BRF1: variants seen among roughly 807,000 people sequenced by gnomAD.
BRF1 encodes the protein transcription factor IIIB 90 kDa subunit.
In BRF1, 59 loss-of-function variants were observed where a neutral mutation model predicts 81.7. The observed-to-expected ratio is 0.72, with a 90% CI of 0.59 to 0.90. The LOEUF (loss-of-function observed/expected upper bound fraction) is 0.90, where lower values mean the gene tolerates loss of function less well. Ranked by LOEUF, BRF1 falls within the 40% of genes least tolerant of loss-of-function variation. The pLI is 0.00. For synonymous variants in BRF1, 491 were observed against 395.6 expected (o/e 1.24, Z -2.86); for missense variants, 1,050 against 936.3 (o/e 1.12, Z -1.58).
chr14:105,273,780 G>T (rs1356501261), intron 2 of BRF1, among the ~76,000 whole-genome samples: 2 of 152,216 alleles, frequency 1.3e-5, no homozygotes, highest in Non-Finnish European at 2.9e-5. Context: ...GCGGAAAGCT[G>T]CAGGGACCTC....
chr14:105,220,569 T>C (rs1365915016), intron 11 of BRF1, among the ~76,000 whole-genome samples: 3 of 152,000 alleles, frequency 2.0e-5, no homozygotes, highest in Admixed American at 6.5e-5. Flanking sequence ...AATGAGGGAA[T>C]AGAAATGATT....
At chr14:105,258,926 T>C (rs2056022065) in intron 3 of BRF1, among the ~76,000 whole-genome samples, 1 of 152,070 alleles carries the variant, frequency 6.6e-6, no homozygotes, top group Admixed American at 6.6e-5. Flanking sequence ...AGAACTCAAC[T>C]GCATTAATCA....
At chr14:105,218,419 C>T (rs1001246217) in intron 14 of BRF1, among the ~76,000 whole-genome samples, 3 of 152,190 alleles carry the variant, frequency 2.0e-5, no homozygotes, top group Non-Finnish European at 4.4e-5. Context: ...ACAAGCTCCC[C>T]GGGTCCTGCT....
rs2056673788 is a variant in BRF1 at position 105,271,905 on chromosome 14, C to T, written c.439+816G>A. On this transcript the variant is annotated intron_variant, in intron 3 of 17. Coordinates refer to ENST00000547530, the MANE Select transcript of BRF1 (RefSeq NM_001519.4). This position sits in a 1 kb window ranked among gnomAD's most constrained non-coding sequence, Gnocchi z 5.5. ...GGCCAAGCTGCACACCGCTGAGGGTCGGCGGCCTCCCCGCCCACCGCCTGC... is the reference window on the plus strand; with the variant it reads ...GGCCAAGCTGCACACCGCTGAGGGTTGGCGGCCTCCCCGCCCACCGCCTGC... 1.3e-5 allele frequency among the ~76,000 whole-genome samples: 1 copy of T among 78,024 alleles called. No homozygotes were observed. The highest frequency in any genetic ancestry group is 4.9e-5 in the African/African-American group (1 of 20,328). 51.2% of individuals were successfully genotyped at this position (78,024 alleles called of 152,430 possible).
At chr14:105,228,976 G>C (rs2054262870) in intron 6 of BRF1, 63 bp from the exon 7 acceptor site, 4 of 1,475,048 alleles carry the variant, frequency 2.7e-6, no homozygotes, top group Non-Finnish European at 3.8e-6. Flanking sequence ...ATCTGTGGCG[G>C]CCCAGGACAA....
upstream of BRF1, among the ~76,000 whole-genome samples, chr14:105,302,470 T>C (rs1195462259): frequency 6.6e-6 from 1 of 152,172 alleles, no homozygotes; most frequent in African/African-American, 2.4e-5. Flanking sequence ...CCCAAAGTGC[T>C]GGGATTACAG....
In BRF1 at chr14:105,241,414, T is replaced by C. The variant is rs2054625949; in HGVS notation, c.545A>G (p.Asp182Gly). ...AAAGCGTGGAATATACAGGCACGGG[T>C]CTGCGGCAGACACAGCACCTCAGTG... ...RELCINAPAI[D>G]PCLYIPRFAH... The change falls in exon 6 of 18, where the codon GAC (aspartate) becomes GGC (glycine). Residue 182 changes from aspartate (D) to glycine (G), a missense_variant and splice_region_variant. By Grantham distance (94) the Asp-to-Gly change is moderately conservative. Coordinates refer to ENST00000547530, the MANE Select transcript of BRF1 (RefSeq NM_001519.4). The C allele has an allele frequency of 6.2e-7, 1 of 1,611,186 alleles. No individual in the cohort carries two copies. The highest frequency in any genetic ancestry group is 1.3e-5 in the African/African-American group (1 of 74,914).
At chr14:105,226,013 C>G in intron 10 of BRF1, 56 bp downstream of exon 10, 1 of 1,491,036 alleles carries the variant, frequency 6.7e-7, no homozygotes, top group Non-Finnish European at 9.3e-7. Flanking sequence ...AAGAGATCTG[C>G]TGAGACTCTA....
chr14:105,280,874 C>A (rs1225198923), intron 2 of BRF1, among the ~76,000 whole-genome samples: 2 of 149,842 alleles, frequency 1.3e-5, no homozygotes, highest in Admixed American at 1.3e-4. Context: ...ATACAGCCCA[C>A]GTGACCCTGA....
chr14:105,263,411 C>T (rs917939667), intron 3 of BRF1, among the ~76,000 whole-genome samples: 6 of 152,190 alleles, frequency 3.9e-5, no homozygotes, highest in East Asian at 1.9e-4. Context: ...AGTCCCTTTA[C>T]GGCAGCTGCC....
chr14:105,291,946 T>C (rs1020958284), intron 1 of BRF1, among the ~76,000 whole-genome samples: 1 of 151,856 alleles, frequency 6.6e-6, no homozygotes, highest in African/African-American at 2.4e-5. Context: ...TGCAGTGAGA[T>C]GAGATTGCGC....
At chr14:105,265,663 C>T (rs587603898) in intron 3 of BRF1, among the ~76,000 whole-genome samples, 3 of 151,812 alleles carry the variant, frequency 2.0e-5, no homozygotes, top group African/African-American at 4.8e-5. Flanking sequence ...ATTGGGAGGC[C>T]GAGGCGGATG....
In BRF1 at chr14:105,217,592, GTCC is replaced by G. The variant is rs1891545196; in HGVS notation, c.1721_1723del (p.Arg574del). ...GTCAGCCCCACTTCTGCTGGCCGGC[GTCC>G]TCCTTCGTGACAGCTTCCTGGCACT... On this transcript the variant is annotated inframe_deletion, in exon 15 of 18. Transcript: ENST00000547530. The G allele has an allele frequency of 3.7e-6, 6 of 1,613,446 alleles. No homozygotes were observed. The Admixed American group carries it at 1.0e-4, about 27-fold the overall frequency.
chr14:105,299,930 C>T (rs587758783), intron 1 of BRF1, among the ~76,000 whole-genome samples: 6 of 152,360 alleles, frequency 3.9e-5, no homozygotes, highest in African/African-American at 9.6e-5. Flanking sequence ...TATTCACAAC[C>T]ACCTGAAACT....
In BRF1 at chr14:105,226,096, C is replaced by G. The variant is rs369278268; in HGVS notation, c.1021G>C (p.Gly341Arg). The G allele has an allele frequency of 6.2e-7, 1 of 1,613,938 alleles. No homozygotes were observed. The highest frequency in any genetic ancestry group is 8.5e-7 in the Non-Finnish European group (1 of 1,180,032). Residue 341 changes from glycine to arginine, a missense_variant, in exon 10 of 18, where the codon GGG becomes CGG. Transcript: ENST00000547530. ...ELENSRPKAK[G>R]GLASLAKDGS... is the part of the protein sequence containing the mutation. ...TCTTTTGCCAGGCTGGCCAGGCCCC[C>G]CTTGGCCTTTGGCCGGCTGTTTTCT... is the stretch of plus-strand genomic sequence containing the variant.
chr14:105,250,050 C>A (rs2055500891), intron 5 of BRF1: 1 of 1,612,976 alleles, frequency 6.2e-7, no homozygotes, highest in Non-Finnish European at 8.5e-7. Context: ...CTGGGGCGAG[C>A]CCTCTATCTG....
In BRF1 at chr14:105,308,424, G is replaced by A. The variant is rs187456801; in HGVS notation, c.-162+6898C>T. On this transcript the variant is annotated intron_variant, in intron 1 of 17. Coordinates refer to the BRF1 transcript ENST00000327359. ...CTGAGCCCAGGAGACAGAAGTTGCA[G>A]TGAGCTGAGATGGCACCATTGTACT... 7.6e-4 allele frequency among the ~76,000 whole-genome samples: 115 copies of A among 152,044 alleles called. 1 individual carries two copies. In the East Asian group the frequency reaches 0.015, roughly 20 times the overall value.
rs1317637168 is a variant in BRF1 at position 105,315,402 on chromosome 14, A to T, written c.-242T>A. ...GACGAGGGTGCTTCCTCTCTCGGGT[A>T]CCACACGCTTCCTTTCGCGTTCGGC... is the stretch of plus-strand genomic sequence containing the variant. On this transcript the variant is annotated 5_prime_UTR_variant, in exon 1 of 18. Transcript: ENST00000327359. This position sits in a 1 kb window ranked among gnomAD's most constrained non-coding sequence, Gnocchi z 4.4. The T allele has an allele frequency of 6.6e-6, 1 of 152,208 alleles. No individual in the cohort carries two copies. The highest frequency in any genetic ancestry group is 1.9e-4 in the East Asian group (1 of 5,178). 9.4% of individuals were successfully genotyped at this position (152,208 alleles called of 1,614,324 possible). A position where few individuals can be genotyped will look rare whatever the true frequency, so the allele number is the denominator to read the frequency against.
upstream of BRF1, among the ~76,000 whole-genome samples, chr14:105,304,837 C>T (rs2058139481): frequency 6.6e-6 from 1 of 152,226 alleles, no homozygotes; most frequent in Admixed American, 6.5e-5. Context: ...ATAAAACCGT[C>T]AGATCTCGTG....
Sources: allele counts gnomAD v4.1 joint callset (sites outside exome capture counted in the v4.1 genomes callset), GRCh38; gene constraint gnomAD v4.1.1; non-coding constraint Gnocchi (gnomAD v3.1); transcripts MANE v1.5; gene names NCBI Gene and HGNC (gene_info 2026-07-23, HGNC 2026-07-21).